Variants in TOX observed in about 807,000 individuals in gnomAD.
TOX encodes the protein thymocyte selection-associated high mobility group box protein TOX.
In TOX, 11 loss-of-function variants were observed where a neutral mutation model predicts 53.7. The ratio of observed to expected loss-of-function variants is 0.20; its 90% CI spans 0.13 to 0.34. The LOEUF is 0.34. Ranked by LOEUF, TOX falls within the 10% of genes least tolerant of loss-of-function variation. TOX has a pLI of 1.00. For missense variants in TOX, 570 were observed against 664.6 expected (o/e 0.86, Z 1.56); for synonymous variants, 225 against 245.3 (o/e 0.92, Z 0.77).
chr8:58,848,480 T>C (rs986504861), intron 4 of TOX, among the ~76,000 whole-genome samples: 8 of 152,060 alleles, frequency 5.3e-5, no homozygotes, highest in Non-Finnish European at 1.0e-4. Context: ...AGATAAAACA[T>C]GGATATTTTC....
At chr8:58,952,303 T>C (rs1345138671) in intron 2 of TOX, among the ~76,000 whole-genome samples, 10 of 152,230 alleles carry the variant, frequency 6.6e-5, no homozygotes, top group South Asian at 2.1e-4. Context: ...GGAACTAGCA[T>C]AGACAGGTGA....
intron 1 of TOX, among the ~76,000 whole-genome samples, chr8:58,989,247 TG>T (rs942495361): frequency 6.6e-6 from 1 of 151,266 alleles, no homozygotes; most frequent in African/African-American, 2.4e-5. Flanking sequence ...ACCTATGAGG[TG>T]GAGGTGGCAG....
intron 1 of TOX, among the ~76,000 whole-genome samples, chr8:59,061,408 G>A (rs1057505248): frequency 2.6e-5 from 4 of 152,124 alleles, no homozygotes; most frequent in African/African-American, 7.2e-5. Flanking sequence ...TGTAAATGGA[G>A]GAACAAAACA....
In TOX at chr8:58,998,568, A is replaced by AATTTATATATAATAAATTT. The variant is rs1554537374; in HGVS notation, c.103-38561_103-38560insAAATTTATTATATATAAAT. ...TTATATATAATAAATTTATGTAATA[A>AATTTATATATAATAAATTT]ATGTATATATAATAAATTTATATGT... On this transcript the variant is annotated intron_variant, in intron 1 of 8. Coordinates refer to ENST00000361421, the MANE Select transcript of TOX (RefSeq NM_014729.3). Among the ~76,000 whole-genome samples, 5 of 87,046 alleles carry AATTTATATATAATAAATTT rather than the reference A, an allele frequency of 5.7e-5. 1 individual carries two copies. Among genetic ancestry groups the AATTTATATATAATAAATTT allele is most frequent in the South Asian group, 3.4e-4 (1 of 2,932 alleles). The allele number at this position is 87,046 out of a possible 152,430, so 57.1% of individuals were successfully genotyped here.
intron 3 of TOX, among the ~76,000 whole-genome samples, chr8:58,919,085 G>T (rs1445245643): frequency 6.7e-6 from 1 of 150,290 alleles, no homozygotes; most frequent in Non-Finnish European, 1.5e-5. Flanking sequence ...AACATTCCAT[G>T]CTCATGGGTA....
intron 1 of TOX, among the ~76,000 whole-genome samples, chr8:59,039,727 C>T (rs1264347477): frequency 2.0e-5 from 3 of 152,162 alleles, no homozygotes; most frequent in Admixed American, 6.5e-5. Context: ...GAATCCTAAA[C>T]ATTTCTGTAA....
At chr8:58,855,978 T>C (rs1810908047) in intron 3 of TOX, among the ~76,000 whole-genome samples, 1 of 152,234 alleles carries the variant, frequency 6.6e-6, no homozygotes, top group Non-Finnish European at 1.5e-5. Context: ...CTTTTACTTA[T>C]TGATCCTTGT....
At chr8:58,823,706 T>C (rs955580473) in intron 6 of TOX, among the ~76,000 whole-genome samples, 6 of 152,184 alleles carry the variant, frequency 3.9e-5, no homozygotes, top group African/African-American at 1.4e-4. Flanking sequence ...TCCACTTGGA[T>C]CTGCTATATA....
At chr8:59,106,466 T>C (rs1010146355) in intron 1 of TOX, among the ~76,000 whole-genome samples, 2 of 152,172 alleles carry the variant, frequency 1.3e-5, no homozygotes, top group African/African-American at 2.4e-5. Context: ...AATCTCAAAA[T>C]AGATTTTTGT....
At chr8:59,079,234 G>C (rs932697852) in intron 1 of TOX, among the ~76,000 whole-genome samples, 4 of 152,182 alleles carry the variant, frequency 2.6e-5, no homozygotes, top group African/African-American at 9.7e-5. Flanking sequence ...CTTTTTGGGA[G>C]AGGAATTAAA....
Position 58,851,158 on chromosome 8 carries a change from G to GTCTCTCTCTCTC in TOX, c.693+354_693+365dup, listed in dbSNP as rs560478337. Among the ~76,000 whole-genome samples the GTCTCTCTCTCTC allele has an allele frequency of 1.0e-3, 122 of 118,218 alleles. 1 individual carries two copies. The highest frequency in any genetic ancestry group is 3.9e-3 in the Admixed American group (47 of 11,970). The allele number at this position is 118,218 out of a possible 152,430, so 77.6% of individuals were successfully genotyped here. On this transcript the variant is annotated intron_variant, in intron 4 of 8. Transcript: ENST00000361421. The surrounding 1 kb of genome is among the most constrained non-coding windows in gnomAD (Gnocchi z 4.4). Reference sequence around the variant, plus strand: ...CACCATACATCTCCTCTCTCTCTCTGTCTCTCTCTCTCTCTCTCTCTCTCT... The same window carrying GTCTCTCTCTCTC: ...CACCATACATCTCCTCTCTCTCTCTGTCTCTCTCTCTCTCTCTCTCTCTCTCTCTCTCTCTCT...
At chr8:58,817,068 T>C (rs2129164827) in intron 6 of TOX, among the ~76,000 whole-genome samples, 1 of 152,298 alleles carries the variant, frequency 6.6e-6, no homozygotes, top group Middle Eastern at 3.4e-3. Context: ...TCTGTCATTA[T>C]AGAAAGGACA....
chr8:59,067,436 C>G lies in TOX; in HGVS notation c.102+51450G>C, dbSNP rs192948330. ...ACCCATGATGGTGCACGCCTGTAAT[C>G]CCAGCTACTTGGGGGGCTGAGGCAC... On this transcript the variant is annotated intron_variant, in intron 1 of 8. Coordinates refer to ENST00000361421, the MANE Select transcript of TOX (RefSeq NM_014729.3). 8.4e-3 allele frequency among the ~76,000 whole-genome samples: 1,284 copies of G among 152,168 alleles called. 7 individuals are homozygous for G. The highest frequency in any genetic ancestry group is 0.013 in the Admixed American group (201 of 15,270).
intron 2 of TOX, among the ~76,000 whole-genome samples, chr8:58,949,249 T>A (rs1443733183): frequency 6.6e-6 from 1 of 152,078 alleles, no homozygotes; most frequent in East Asian, 1.9e-4. Context: ...TAAAATGGAC[T>A]GTGAATAATT....
In TOX at chr8:59,055,152, C is replaced by G. The variant is rs988507324; in HGVS notation, c.102+63734G>C. Among the ~76,000 whole-genome samples the G allele has an allele frequency of 3.9e-5, 6 of 152,068 alleles. No individual in the cohort carries two copies. The South Asian group carries it at 6.2e-4, about 16-fold the overall frequency. On this transcript the variant is annotated intron_variant, in intron 1 of 8. Transcript: ENST00000361421. ...AGCTTGCTTTATTACTTTGTATACT[C>G]CTAGAGTTGATTCAAAACTAAGCTT...
intron 1 of TOX, among the ~76,000 whole-genome samples, chr8:59,043,068 T>G (rs1803621068): frequency 6.6e-6 from 1 of 152,134 alleles, no homozygotes; most frequent in Non-Finnish European, 1.5e-5. Context: ...CTTTGTACCC[T>G]TTAACCAAAA....
chr8:59,001,298 C>T (rs1813684494), intron 1 of TOX, among the ~76,000 whole-genome samples: 1 of 152,126 alleles, frequency 6.6e-6, no homozygotes, highest in South Asian at 2.1e-4. Context: ...TGTCATCTGT[C>T]CTCTTCTAAT....
intron 7 of TOX, among the ~76,000 whole-genome samples, chr8:58,808,724 A>T (rs937653067): frequency 6.6e-6 from 1 of 152,210 alleles, no homozygotes; most frequent in Non-Finnish European, 1.5e-5. Flanking sequence ...ACCTATTCAC[A>T]TATTGTTCTC....
At chr8:59,055,544 A>G (rs181960407) in intron 1 of TOX, among the ~76,000 whole-genome samples, 1 of 152,264 alleles carries the variant, frequency 6.6e-6, no homozygotes, top group East Asian at 1.9e-4. Flanking sequence ...AATGGACTAA[A>G]CCAAAGAAAA....
Sources: allele counts gnomAD v4.1 joint callset (sites outside exome capture counted in the v4.1 genomes callset), GRCh38; gene constraint gnomAD v4.1.1; non-coding constraint Gnocchi (gnomAD v3.1); transcripts MANE v1.5; gene names NCBI Gene and HGNC (gene_info 2026-07-23, HGNC 2026-07-21).